Variants in THSD4 observed in about 807,000 individuals in gnomAD.
The protein encoded by THSD4 is thrombospondin type 1 domain containing 4, also known as thrombospondin type-1 domain-containing protein 4.
A neutral mutation model predicts 119.0 loss-of-function variants in THSD4; 69 were observed. The observed-to-expected ratio is 0.58, with a 90% CI of 0.48 to 0.71. THSD4 has a LOEUF of 0.71. Among genes scored for constraint, THSD4 ranks in the 30% least tolerant of loss-of-function variants. The pLI is 0.00. For synonymous variants in THSD4, 524 were observed against 540.4 expected (o/e 0.97, Z 0.42); for missense variants, 1,393 against 1,391.1 (o/e 1.00, Z -0.02).
At chr15:71,232,509 G>A (rs865865690) in intron 4 of THSD4, among the ~76,000 whole-genome samples, 28 of 152,188 alleles carry the variant, frequency 1.8e-4, no homozygotes, top group Admixed American at 1.4e-3. Context: ...GACTGCCCCC[G>A]AGAGTACTAA....
intron 6 of THSD4, among the ~76,000 whole-genome samples, chr15:71,321,961 C>T (rs1395079290): frequency 6.7e-6 from 1 of 149,418 alleles, no homozygotes; most frequent in Non-Finnish European, 1.5e-5. Context: ...CAAATATTAA[C>T]AACAATCAAA....
intron 5 of THSD4, among the ~76,000 whole-genome samples, chr15:71,246,847 C>A (rs2044205662): frequency 6.7e-6 from 1 of 150,166 alleles, no homozygotes; most frequent in South Asian, 2.1e-4. Flanking sequence ...CTCCTTCAGA[C>A]TGTATGTGAT....
intron 7 of THSD4, among the ~76,000 whole-genome samples, chr15:71,633,199 G>A (rs896603620): frequency 4.6e-5 from 7 of 151,858 alleles, no homozygotes; most frequent in African/African-American, 1.7e-4. Flanking sequence ...CTGAAGACAG[G>A]TCTAACTGGG....
intron 3 of THSD4, among the ~76,000 whole-genome samples, chr15:71,190,751 A>G (rs975186297): frequency 6.6e-6 from 1 of 152,146 alleles, no homozygotes; most frequent in Admixed American, 6.5e-5. Flanking sequence ...TTTCTGGAGC[A>G]GTTCCCAAAA....
chr15:71,149,005 A>G lies in THSD4; in HGVS notation c.30-5858A>G, dbSNP rs143812204. The stretch of plus-strand genomic sequence containing the variant: ...CATCAGCTCTTTGTTGGCTAATGTC[A>G]TTGGTAACCCATCCCCCTTCCTTGC... On this transcript the variant is annotated intron_variant, in intron 2 of 17. Transcript: ENST00000261862. 5.4e-4 allele frequency among the ~76,000 whole-genome samples: 82 copies of G among 151,114 alleles called. 1 individual carries two copies. In the East Asian group the frequency reaches 0.016, roughly 29 times the overall value.
At chr15:71,563,168 G>C (rs1262295788) in intron 7 of THSD4, among the ~76,000 whole-genome samples, 1 of 152,118 alleles carries the variant, frequency 6.6e-6, no homozygotes, top group Non-Finnish European at 1.5e-5. Flanking sequence ...CACATGATGC[G>C]TGAGTACAGC....
intron 2 of THSD4, among the ~76,000 whole-genome samples, chr15:71,146,443 GTTT>G (rs569407021): frequency 7.4e-6 from 1 of 134,574 alleles, no homozygotes; most frequent in Non-Finnish European, 1.6e-5. Context: ...TTTGCCAGTA[GTTT>G]TTTTTTTTTT....
At chr15:71,629,873 G>A (rs191398116) in intron 7 of THSD4, among the ~76,000 whole-genome samples, 3 of 152,246 alleles carry the variant, frequency 2.0e-5, no homozygotes, top group Non-Finnish European at 2.9e-5. Context: ...ATTTCCTCGG[G>A]TTACTCTGGC....
rs949562826 is a variant in THSD4, at chr15:71,373,039, C to G, written c.1016-38648C>G. ...TATCTCTTTTCAATCTTGCAACAAC[C>G]TCCTTTCAGAGAGAAGAAAATCGAG... On this transcript the variant is annotated intron_variant, in intron 6 of 17. Coordinates refer to ENST00000261862, the MANE Select transcript of THSD4 (RefSeq NM_024817.3). 2.6e-5 allele frequency among the ~76,000 whole-genome samples: 4 copies of G among 152,228 alleles called. No individual in the cohort carries two copies. In the East Asian group the frequency reaches 7.7e-4, roughly 29 times the overall value.
chr15:71,601,149 G>C (rs1367951889), intron 7 of THSD4, among the ~76,000 whole-genome samples: 1 of 152,194 alleles, frequency 6.6e-6, no homozygotes, highest in African/African-American at 2.4e-5. Context: ...GTGCATGTTG[G>C]AAGCGAGATT....
At chr15:71,118,232 C>T (rs1486486833) in intron 1 of THSD4, among the ~76,000 whole-genome samples, 1 of 152,034 alleles carries the variant, frequency 6.6e-6, no homozygotes, top group African/African-American at 2.4e-5. Flanking sequence ...TTTCCTAATC[C>T]CAGTCTACTT....
At chr15:71,641,595 G>A (rs558388236) in intron 7 of THSD4, among the ~76,000 whole-genome samples, 3 of 152,210 alleles carry the variant, frequency 2.0e-5, no homozygotes, top group African/African-American at 7.2e-5. Flanking sequence ...AATCCTGGAG[G>A]GGTGTGATTC....
intron 7 of THSD4, among the ~76,000 whole-genome samples, chr15:71,616,232 C>T (rs910820922): frequency 6.6e-6 from 1 of 152,070 alleles, no homozygotes; most frequent in Non-Finnish European, 1.5e-5. Context: ...TAAAAATGGT[C>T]AGAAAATTGG....
chr15:71,720,294 G>A lies in THSD4; in HGVS notation c.1358-8255G>A, dbSNP rs563170073. On this transcript the variant is annotated intron_variant, in intron 8 of 17. Transcript: ENST00000261862. ...TTGAACTCCTGGGCTAAAAGGATCC[G>A]CCCACCTAGGCCTCCCAAAGTGCTG... 8.6e-5 allele frequency among the ~76,000 whole-genome samples: 13 copies of A among 151,850 alleles called. No homozygotes were observed. In the South Asian group the frequency reaches 1.7e-3, roughly 19 times the overall value.
chr15:71,364,405 A>C (rs2140424695), intron 6 of THSD4, among the ~76,000 whole-genome samples: 1 of 152,374 alleles, frequency 6.6e-6, no homozygotes, highest in Non-Finnish European at 1.5e-5. Context: ...TTTCTAATAC[A>C]GATTAATTTC....
chr15:71,640,667 C>T (rs1391663908), intron 7 of THSD4, among the ~76,000 whole-genome samples: 1 of 152,142 alleles, frequency 6.6e-6, no homozygotes, highest in Non-Finnish European at 1.5e-5. Flanking sequence ...TTGATTTCTT[C>T]TTATTTTAAG....
intron 8 of THSD4, among the ~76,000 whole-genome samples, chr15:71,669,511 G>T (rs2051480338): frequency 6.6e-6 from 1 of 151,358 alleles, no homozygotes; most frequent in African/African-American, 2.4e-5. Context: ...TTTTTTTTGT[G>T]GCTGTTGGTT....
chr15:71,305,430 A>AGG (rs910607234), intron 6 of THSD4, among the ~76,000 whole-genome samples: 2 of 152,150 alleles, frequency 1.3e-5, no homozygotes, highest in African/African-American at 4.8e-5. Context: ...TGGAAAGCAG[A>AGG]GGGGGCCCAT....
chr15:71,156,530 G>T (rs2141385256), intron 3 of THSD4, among the ~76,000 whole-genome samples: 1 of 152,228 alleles, frequency 6.6e-6, no homozygotes, highest in East Asian at 1.9e-4. Context: ...CTCCCAAAGT[G>T]CTGGGATTAT....
Sources: gnomAD v4.1 joint callset for allele counts (sites outside exome capture counted in the v4.1 genomes callset) on GRCh38, gnomAD v4.1.1 for gene constraint, MANE v1.5 for transcripts, NCBI Gene and HGNC (gene_info 2026-07-23, HGNC 2026-07-21) for gene names.